The following C5orf47 variants were observed in gnomAD, a reference collection of about 807,000 sequenced individuals.
C5orf47 encodes the protein chromosome 5 open reading frame 47, also known as uncharacterized protein C5orf47.
C5orf47 carries 20 observed loss-of-function variants against 20.6 expected under a neutral mutation model. The observed-to-expected ratio is 0.97, with a 90% CI of 0.68 to 1.41. The LOEUF (loss-of-function observed/expected upper bound fraction) is 1.41, where lower values mean the gene tolerates loss of function less well. C5orf47 is among the 40% of genes most tolerant of loss of function. C5orf47 has a pLI of 0.00. For missense variants in C5orf47, 262 were observed against 238.4 expected (o/e 1.10, Z -0.65); for synonymous variants, 106 against 97.3 (o/e 1.09, Z -0.53).
intron 1 of C5orf47, among the ~76,000 whole-genome samples, chr5:173,997,598 G>A (rs1759121145): frequency 6.6e-6 from 1 of 152,104 alleles, no homozygotes; most frequent in Admixed American, 6.5e-5. Context: ...TATGAAGAAG[G>A]TGTTCTCAGA....
chr5:173,994,459 A>G (rs895080067), intron 1 of C5orf47, among the ~76,000 whole-genome samples: 1 of 152,156 alleles, frequency 6.6e-6, no homozygotes, highest in Non-Finnish European at 1.5e-5. Context: ...TAACTCTGCC[A>G]CAAAGGAGTT....
At position 174,004,826 on chromosome 5, in the gene C5orf47, T is replaced by C. The variant is rs1213041604; in HGVS notation, c.*572T>C. On this transcript the variant is annotated 3_prime_UTR_variant, in exon 5 of 5. Coordinates refer to ENST00000340147, the MANE Select transcript of C5orf47 (RefSeq NM_001144954.2). ...ATCCTAAGGAAAATTAGTAAATGTATGCATTTATAATATGGATATATTATA... is the reference window on the plus strand; with the variant it reads ...ATCCTAAGGAAAATTAGTAAATGTACGCATTTATAATATGGATATATTATA... 6.6e-6 allele frequency: 1 copy of C among 152,226 alleles called. No homozygotes were observed. The highest frequency in any genetic ancestry group is 2.4e-5 in the African/African-American group (1 of 41,446). The allele number at this position is 152,226 out of a possible 1,614,324, so 9.4% of individuals were successfully genotyped here.
Position 173,989,182 on chromosome 5 carries a change from A to G in C5orf47, c.-82A>G. ...GTGGTCTGGCCCTAACCGCTCCCGC[A>G]TCCCTCGCCTGCACAGTGGGCAGTC... On this transcript the variant is annotated 5_prime_UTR_variant, in exon 1 of 5. Coordinates refer to ENST00000340147, the MANE Select transcript of C5orf47 (RefSeq NM_001144954.2). 8.3e-7 allele frequency: 1 copy of G among 1,201,678 alleles called. No homozygotes were observed. Among genetic ancestry groups the G allele is most frequent in the African/African-American group, 1.6e-5 (1 of 62,032 alleles). 74.4% of individuals were successfully genotyped at this position (1,201,678 alleles called of 1,614,324 possible). A position where few individuals can be genotyped will look rare whatever the true frequency, so the allele number is the denominator to read the frequency against.
rs986380517 is a variant in C5orf47 at position 173,990,166 on chromosome 5, C to T, written c.325+578C>T. Reference sequence around the variant, plus strand: ...TTTGAGACGGGGTATTGCTGTGTCACTCAGGCTGGAGTGTGGTGGTCCAAT... The same window carrying T: ...TTTGAGACGGGGTATTGCTGTGTCATTCAGGCTGGAGTGTGGTGGTCCAAT... On this transcript the variant is annotated intron_variant, in intron 1 of 4. Coordinates refer to ENST00000340147, the MANE Select transcript of C5orf47 (RefSeq NM_001144954.2). Among the ~76,000 whole-genome samples the T allele has an allele frequency of 2.7e-5, 4 of 147,926 alleles. No homozygotes were observed. The East Asian group carries it at 6.0e-4, about 22-fold the overall frequency.
chr5:174,002,968 C>G (rs1385830312), intron 4 of C5orf47, among the ~76,000 whole-genome samples: 1 of 152,042 alleles, frequency 6.6e-6, no homozygotes, highest in African/African-American at 2.4e-5. Flanking sequence ...TGATTTGATT[C>G]ATGTTATGAA....
At chr5:174,008,581 C>T (rs1016106720), downstream of C5orf47, among the ~76,000 whole-genome samples, 1 of 152,134 alleles carries the variant, frequency 6.6e-6, no homozygotes, top group Non-Finnish European at 1.5e-5. Flanking sequence ...GCCTGTAATC[C>T]CAGCACTTTG....
intron 1 of C5orf47, 82 bp downstream of exon 1, chr5:173,989,670 C>A (rs1758948935): frequency 4.1e-6 from 5 of 1,207,704 alleles, no homozygotes; most frequent in Non-Finnish European, 5.3e-6. Context: ...CGCCATCTTG[C>A]GGCACGCAGG....
intron 1 of C5orf47, among the ~76,000 whole-genome samples, chr5:173,996,902 T>C (rs1759108618): frequency 6.6e-6 from 1 of 152,188 alleles, no homozygotes; most frequent in Non-Finnish European, 1.5e-5. Flanking sequence ...AATCAGAATA[T>C]TGAAAAAAAC....
chr5:174,006,708 C>T (rs183894119), downstream of C5orf47, among the ~76,000 whole-genome samples: 899 of 152,140 alleles, frequency 5.9e-3, 6 homozygotes, highest in African/African-American at 0.02. Flanking sequence ...GGGAACAGCA[C>T]TAGTGCAGCA....
Position 173,989,279 on chromosome 5 carries a change from C to T in C5orf47, c.16C>T (p.Arg6Trp). MAAAG[R>W]GREQDSARFV... ...TGAGGCTGCGATGGCGGCGGCAGGC[C>T]GGGGTCGGGAGCAGGACTCGGCGCG... The change falls in exon 1 of 5, where the codon CGG becomes TGG. Residue 6 changes from arginine (R) to tryptophan (W), a missense_variant. Arg to Trp is a moderately radical substitution (Grantham distance 101). Transcript: ENST00000340147. 3 of 1,385,420 alleles carry T rather than the reference C, an allele frequency of 2.2e-6. No individual in the cohort carries two copies. Among genetic ancestry groups the T allele is most frequent in the South Asian group, 1.7e-5 (1 of 59,456 alleles). 85.8% of individuals were successfully genotyped at this position (1,385,420 alleles called of 1,614,324 possible).
Position 173,989,604 on chromosome 5 carries a change from AGGGCGGGACCGGGCGCGGCG to A in C5orf47, c.325+26_325+45del, listed in dbSNP as rs775165106. On this transcript the variant is annotated intron_variant, in intron 1 of 4. Coordinates refer to ENST00000340147, the MANE Select transcript of C5orf47 (RefSeq NM_001144954.2). ...GCGCGTGCAGGTGGTGCAGCGGGGC[AGGGCGGGACCGGGCGCGGCG>A]GGGCGGGACGGGGCGGAGCGGGCTC... 1.6e-5 allele frequency: 20 copies of A among 1,217,272 alleles called. No individual in the cohort carries two copies. The highest frequency in any genetic ancestry group is 7.3e-5 in the East Asian group (2 of 27,458). 75.4% of individuals were successfully genotyped at this position (1,217,272 alleles called of 1,614,324 possible).
At chr5:173,996,179 CAT>C (rs771191592) in intron 1 of C5orf47, among the ~76,000 whole-genome samples, 11 of 152,196 alleles carry the variant, frequency 7.2e-5, no homozygotes, top group African/African-American at 1.9e-4. Flanking sequence ...GTGGGGAAAA[CAT>C]GTGAACAAAG....
At chr5:174,000,765 T>A (rs1759182453) in intron 3 of C5orf47, among the ~76,000 whole-genome samples, 1 of 152,122 alleles carries the variant, frequency 6.6e-6, no homozygotes, top group Non-Finnish European at 1.5e-5. Flanking sequence ...TGCTTATCCA[T>A]TTAAGAAGGA....
intron 1 of C5orf47, among the ~76,000 whole-genome samples, chr5:173,992,671 A>G (rs1049983524): frequency 2.6e-5 from 4 of 152,180 alleles, no homozygotes; most frequent in African/African-American, 9.7e-5. Context: ...CGTTGTCACT[A>G]TTTTTAGAAG....
rs55678217 is a variant in C5orf47, at chr5:174,005,728, T to A, written c.*1474T>A. On this transcript the variant is annotated 3_prime_UTR_variant, in exon 5 of 5. Transcript: ENST00000340147. ...TGCATAAAGTTTTGTAGTGAATGTGTATGAGAGTTTTAGGTTTGCTTCAAT... is the reference window on the plus strand; with the variant it reads ...TGCATAAAGTTTTGTAGTGAATGTGAATGAGAGTTTTAGGTTTGCTTCAAT... The A allele has an allele frequency of 0.16, 23,902 of 152,278 alleles. 2,424 individuals are homozygous for A. Among genetic ancestry groups the A allele is most frequent in the African/African-American group, 0.28 (11,806 of 41,446 alleles). The allele number at this position is 152,278 out of a possible 1,614,324, so 9.4% of individuals were successfully genotyped here.
chr5:173,999,331 C>G (rs1022506214), intron 2 of C5orf47, among the ~76,000 whole-genome samples: 1 of 152,114 alleles, frequency 6.6e-6, no homozygotes, highest in African/African-American at 2.4e-5. Context: ...AAAATCAAAT[C>G]ATTGCCCAAT....
intron 1 of C5orf47, among the ~76,000 whole-genome samples, chr5:173,989,895 C>A (rs1315318346): frequency 6.6e-6 from 1 of 152,168 alleles, no homozygotes; most frequent in East Asian, 1.9e-4. Context: ...ACTTCGCAAA[C>A]CCCCTCACCT....
chr5:174,000,098 A>G (rs1561648764), intron 3 of C5orf47, among the ~76,000 whole-genome samples: 2 of 152,140 alleles, frequency 1.3e-5, no homozygotes, highest in East Asian at 1.9e-4. Context: ...CTTAATGCCA[A>G]TTAAAAAATA....
intron 1 of C5orf47, among the ~76,000 whole-genome samples, chr5:173,995,853 C>A (rs1423451408): frequency 6.6e-6 from 1 of 152,190 alleles, no homozygotes. Flanking sequence ...TTATCAGAGA[C>A]AGGTGCACTT....
Sources: allele counts gnomAD v4.1 joint callset (sites outside exome capture counted in the v4.1 genomes callset), GRCh38; gene constraint gnomAD v4.1.1; transcripts MANE v1.5; gene names NCBI Gene and HGNC (gene_info 2026-07-23, HGNC 2026-07-21).